Variants in CFAP54 observed in about 807,000 individuals in gnomAD.
The protein encoded by CFAP54 is cilia and flagella associated protein 54.
A neutral mutation model predicts 370.4 loss-of-function variants in CFAP54; 290 were observed. The ratio of observed to expected loss-of-function variants is 0.78; its 90% confidence interval spans 0.71 to 0.86. The LOEUF (loss-of-function observed/expected upper bound fraction) is 0.86. CFAP54 is among the 40% of genes least tolerant of loss of function. The probability of loss-of-function intolerance (pLI) is 0.00; values close to 1 mark genes in which losing one functional copy is unlikely to be tolerated. For synonymous variants in CFAP54, 1,206 were observed against 1,236.5 expected (o/e 0.98, Z 0.52); for missense variants, 3,399 against 3,528.7 (o/e 0.96, Z 0.93).
At chr12:96,792,639 G>C in intron 63 of CFAP54, 140 bp downstream of exon 63, 1 of 547,786 alleles carries the variant, frequency 1.8e-6, no homozygotes. Context: ...TTGTCTAGTA[G>C]AATAAATTTG....
intron 67 of CFAP54, among the ~76,000 whole-genome samples, chr12:96,871,172 A>C (rs1377526961): frequency 2.0e-5 from 3 of 152,252 alleles, no homozygotes; most frequent in African/African-American, 7.2e-5. Flanking sequence ...ATGAGACTCC[A>C]GAGAATCCAA....
chr12:96,814,043 C>T (rs1250050443), intron 64 of CFAP54, among the ~76,000 whole-genome samples: 3 of 152,128 alleles, frequency 2.0e-5, no homozygotes, highest in East Asian at 3.8e-4. Context: ...CTGCTTTGCC[C>T]GTTCCCAGAC....
intron 60 of CFAP54, among the ~76,000 whole-genome samples, chr12:96,779,467 A>T (rs1452011458): frequency 6.6e-6 from 1 of 152,026 alleles, no homozygotes; most frequent in Non-Finnish European, 1.5e-5. Flanking sequence ...ATATATTTGT[A>T]TGTGACATTT....
At chr12:96,599,838 C>T (rs946903909) in intron 26 of CFAP54, among the ~76,000 whole-genome samples, 1 of 151,896 alleles carries the variant, frequency 6.6e-6, no homozygotes, top group Non-Finnish European at 1.5e-5. Context: ...ATCCTTTGCC[C>T]ACTTTTTGGG....
chr12:96,520,056 C>A (rs1955286434), intron 6 of CFAP54, among the ~76,000 whole-genome samples: 1 of 152,142 alleles, frequency 6.6e-6, no homozygotes, highest in Non-Finnish European at 1.5e-5. Context: ...AAGACAGAAT[C>A]TTGCTCTGTT....
At chr12:96,754,005 A>C (rs1958221421) in intron 56 of CFAP54, 107 bp downstream of exon 56, 2 of 1,134,812 alleles carry the variant, frequency 1.8e-6, no homozygotes, top group Non-Finnish European at 1.2e-6. Context: ...AATTACAAAC[A>C]TACAAAGGGC....
chr12:96,609,174 T>A (rs895496665), intron 26 of CFAP54, among the ~76,000 whole-genome samples: 3 of 152,148 alleles, frequency 2.0e-5, no homozygotes, highest in African/African-American at 7.2e-5. Context: ...CAGAGAGTGT[T>A]TATGTAGTGT....
chr12:96,681,788 G>C (rs914505301), intron 40 of CFAP54, among the ~76,000 whole-genome samples: 1 of 152,014 alleles, frequency 6.6e-6, no homozygotes. Flanking sequence ...TAGTAGAGAC[G>C]AGGTTTCACC....
At chr12:96,650,343 T>A (rs1956845170) in intron 35 of CFAP54, among the ~76,000 whole-genome samples, 2 of 152,096 alleles carry the variant, frequency 1.3e-5, no homozygotes, top group African/African-American at 4.8e-5. Flanking sequence ...TTTGTCCCTG[T>A]TCATGCAGTT....
chr12:96,867,167 C>T (rs918992998), intron 67 of CFAP54, among the ~76,000 whole-genome samples: 1 of 152,102 alleles, frequency 6.6e-6, no homozygotes, highest in African/African-American at 2.4e-5. Context: ...TTCATAGACA[C>T]ATTAGTATTT....
At chr12:96,813,272 G>A (rs1448556037) in intron 64 of CFAP54, among the ~76,000 whole-genome samples, 1 of 152,164 alleles carries the variant, frequency 6.6e-6, no homozygotes, top group African/African-American at 2.4e-5. Context: ...AGAGGACCAT[G>A]CCCAACAATC....
chr12:96,743,200 A>C (rs1022159168), intron 52 of CFAP54, among the ~76,000 whole-genome samples: 8 of 152,168 alleles, frequency 5.3e-5, no homozygotes, highest in Non-Finnish European at 1.2e-4. Context: ...TTTTTGCAGC[A>C]CTGGAAAGTC....
intron 60 of CFAP54, among the ~76,000 whole-genome samples, chr12:96,780,305 TTTCACAGTTAGATCTACAG>T (rs1958568739): frequency 6.6e-6 from 1 of 152,190 alleles, no homozygotes; most frequent in Non-Finnish European, 1.5e-5. Flanking sequence ...ATTTTTAATC[TTTCACAGTTAGATCTACAG>T]TTCACCCAGA....
chr12:96,833,426 T>C lies in CFAP54; in HGVS notation c.9171+4338T>C, dbSNP rs1055988273. ...CTGCAAAGGCAGTGTAGATTAAAGT[T>C]CCTGTAGTTAGCAAAATGAAATAGT... On this transcript the variant is annotated intron_variant, in intron 66 of 67. Coordinates refer to ENST00000524981, the MANE Select transcript of CFAP54 (RefSeq NM_001306084.2). Among the ~76,000 whole-genome samples the C allele has an allele frequency of 2.0e-5, 3 of 151,472 alleles. No individual in the cohort carries two copies. The South Asian group carries it at 6.2e-4, about 31-fold the overall frequency.
chr12:96,494,270 C>T (rs891091392), intron 1 of CFAP54, among the ~76,000 whole-genome samples: 1 of 151,654 alleles, frequency 6.6e-6, no homozygotes, highest in Non-Finnish European at 1.5e-5. Context: ...TGCATTTATT[C>T]CATTGGGTAG....
chr12:96,727,229 T>C (rs367964986), intron 50 of CFAP54, among the ~76,000 whole-genome samples: 8 of 151,904 alleles, frequency 5.3e-5, no homozygotes, highest in Admixed American at 4.6e-4. Context: ...CCTGGGTATC[T>C]TTGTTAACTT....
At chr12:96,555,975 G>T (rs1565895464) in intron 17 of CFAP54, among the ~76,000 whole-genome samples, 1 of 151,730 alleles carries the variant, frequency 6.6e-6, no homozygotes, top group Non-Finnish European at 1.5e-5. Flanking sequence ...TGAGTGTAGG[G>T]GATCTCGCTC....
At chr12:96,574,501 T>A (rs553241486) in intron 19 of CFAP54, among the ~76,000 whole-genome samples, 1 of 152,232 alleles carries the variant, frequency 6.6e-6, no homozygotes, top group South Asian at 2.1e-4. Context: ...ATTTTGGTTA[T>A]TGGCTAAAAT....
chr12:96,753,634 A>G (rs1407902822), intron 55 of CFAP54, 109 bp from the exon 56 acceptor site: 2 of 1,081,906 alleles, frequency 1.8e-6, no homozygotes, highest in Non-Finnish European at 2.6e-6. Flanking sequence ...AAAAACTACC[A>G]AAGTTCTTGA....
Sources: gnomAD v4.1 joint callset for allele counts (sites outside exome capture counted in the v4.1 genomes callset) on GRCh38, gnomAD v4.1.1 for gene constraint, MANE v1.5 for transcripts, NCBI Gene and HGNC (gene_info 2026-07-23, HGNC 2026-07-21) for gene names.